Variants in FOXN3 observed in about 807,000 individuals in gnomAD.
FOXN3 encodes the protein forkhead box protein N3.
Under a neutral mutation model 38.4 loss-of-function variants are expected in FOXN3, and 7 were observed. The ratio of observed to expected loss-of-function variants is 0.18; its 90% CI spans 0.10 to 0.34. FOXN3 has a LOEUF of 0.34. Ranked by LOEUF, FOXN3 falls within the 10% of genes least tolerant of loss-of-function variation. The pLI, the probability that FOXN3 is intolerant of heterozygous loss-of-function variation, is 1.00. For missense variants in FOXN3, 456 were observed against 613.4 expected, an observed-to-expected ratio of 0.74 and a Z score of 2.71; for synonymous variants, 230 against 242.2, an observed-to-expected ratio of 0.95 and a Z score of 0.47.
intron 1 of FOXN3, among the ~76,000 whole-genome samples, chr14:89,551,377 G>A (rs1481657344): frequency 6.6e-6 from 1 of 152,126 alleles, no homozygotes; most frequent in Non-Finnish European, 1.5e-5. Flanking sequence ...AGCAGAATAG[G>A]TTCTGATCCA....
chr14:89,410,181 C>T (rs1372159620), intron 2 of FOXN3, among the ~76,000 whole-genome samples: 2 of 146,434 alleles, frequency 1.4e-5, no homozygotes, highest in Non-Finnish European at 3.0e-5. Context: ...AGGAGCAATA[C>T]GGTTGGCCAC....
chr14:89,610,197 T>C (rs1896360390), intron 1 of FOXN3, among the ~76,000 whole-genome samples: 1 of 151,990 alleles, frequency 6.6e-6, no homozygotes, highest in African/African-American at 2.4e-5. Flanking sequence ...CCTGGGCACA[T>C]GGCTTTCAGG....
intron 1 of FOXN3, among the ~76,000 whole-genome samples, chr14:89,510,476 A>T (rs1357072399): frequency 1.3e-5 from 2 of 152,100 alleles, no homozygotes; most frequent in Non-Finnish European, 2.9e-5. Flanking sequence ...CAGCTCCAGG[A>T]CCCAAGCTGC....
chr14:89,290,392 G>A, intron 3 of FOXN3: 1 of 362,074 alleles, frequency 2.8e-6, no homozygotes, highest in Non-Finnish European at 5.4e-6. Context: ...GAAATTGCTG[G>A]TACTCTCCCC....
At chr14:89,436,292 A>AAAAAG (rs1186776995) in intron 1 of FOXN3, among the ~76,000 whole-genome samples, 12 of 151,148 alleles carry the variant, frequency 7.9e-5, no homozygotes, top group Non-Finnish European at 1.6e-4. Context: ...TATTCATTAA[A>AAAAAG]AAAAAAAAAA....
At position 89,161,600 on chromosome 14, in the gene FOXN3, T is replaced by TGTGTGTGTGTGC. The variant is rs530463007; in HGVS notation, c.*813_*814insGCACACACACAC. On this transcript the variant is annotated 3_prime_UTR_variant, in exon 6 of 6. Coordinates refer to ENST00000557258, the MANE Select transcript of FOXN3 (RefSeq NM_005197.4). ...GTGTGTGTGTGTGTGTGTGTGTGCGTGCGTGCACAGGGCCAATCTTCAGGC... is the reference window on the plus strand; with the variant it reads ...GTGTGTGTGTGTGTGTGTGTGTGCGTGTGTGTGTGTGCGCGTGCACAGGGCCAATCTTCAGGC... 9.5e-5 allele frequency: 14 copies of TGTGTGTGTGTGC among 147,406 alleles called. No individual in the cohort carries two copies. The highest frequency in any genetic ancestry group is 2.3e-4 in the African/African-American group (9 of 39,386). 9.1% of individuals were successfully genotyped at this position (147,406 alleles called of 1,614,324 possible).
intron 1 of FOXN3, among the ~76,000 whole-genome samples, chr14:89,598,616 C>T (rs1338089096): frequency 6.6e-6 from 1 of 152,120 alleles, no homozygotes; most frequent in Non-Finnish European, 1.5e-5. Flanking sequence ...TTTAACTCTT[C>T]TTCATTTTTG....
intron 3 of FOXN3, among the ~76,000 whole-genome samples, chr14:89,307,632 C>T (rs1887415736): frequency 6.6e-6 from 1 of 152,114 alleles, no homozygotes; most frequent in Admixed American, 6.6e-5. Context: ...TACCGAGCCA[C>T]AGTATTTCTT....
At chr14:89,300,992 GGGGTTTCACCATGTT>G (rs1887201399) in intron 3 of FOXN3, among the ~76,000 whole-genome samples, 1 of 151,286 alleles carries the variant, frequency 6.6e-6, no homozygotes, top group Non-Finnish European at 1.5e-5. Context: ...TAGTAGAGAC[GGGGTTTCACCATGTT>G]GGCCAGGCTG....
At chr14:89,330,999 CTCT>C (rs1888231608) in intron 3 of FOXN3, among the ~76,000 whole-genome samples, 2 of 152,212 alleles carry the variant, frequency 1.3e-5, no homozygotes, top group Admixed American at 6.5e-5. Context: ...GTTCTGTTTC[CTCT>C]TCTTCTTTTG....
At chr14:89,193,458 C>T (rs1047951880) in intron 4 of FOXN3, among the ~76,000 whole-genome samples, 1 of 152,074 alleles carries the variant, frequency 6.6e-6, no homozygotes, top group African/African-American at 2.4e-5. Flanking sequence ...TGTGGGAGAA[C>T]CTAAGTGGGA....
intron 2 of FOXN3, among the ~76,000 whole-genome samples, chr14:89,393,359 G>C (rs1202751866): frequency 6.6e-6 from 1 of 152,172 alleles, no homozygotes; most frequent in African/African-American, 2.4e-5. Flanking sequence ...CGTGGTACCA[G>C]AGATGAGAAC....
chr14:89,608,439 C>CAACACCCAGATAAT (rs1181948197), intron 1 of FOXN3, among the ~76,000 whole-genome samples: 2 of 152,354 alleles, frequency 1.3e-5, no homozygotes, highest in East Asian at 1.9e-4. Flanking sequence ...CGCGCCCGGC[C>CAACACCCAGATAAT]TATACATGCT....
At chr14:89,400,680 C>A (rs949471701) in intron 2 of FOXN3, among the ~76,000 whole-genome samples, 1 of 152,140 alleles carries the variant, frequency 6.6e-6, no homozygotes, top group African/African-American at 2.4e-5. Flanking sequence ...TAACTGCGAC[C>A]CCTCTTTCTG....
At chr14:89,511,257 TTC>T (rs1491331085) in intron 1 of FOXN3, among the ~76,000 whole-genome samples, 3,285 of 41,934 alleles carry the variant, frequency 0.078, 973 homozygotes, top group African/African-American at 0.2. Context: ...TTTTCTTTCT[TTC>T]TTTCTTTCTT....
rs540984682 is a variant in FOXN3 at position 89,432,960 on chromosome 14, C to T, written c.-14-20470G>A. Among the ~76,000 whole-genome samples, 10 of 152,244 alleles carry T rather than the reference C, an allele frequency of 6.6e-5. No homozygotes were observed. In the East Asian group the frequency reaches 1.6e-3, roughly 24 times the overall value. On this transcript the variant is annotated intron_variant, in intron 1 of 6. Transcript: ENST00000345097. ...CCTCCCAAACTCCTGGGATTACAGGCGTGAGCCAACGAGCACCTGGCCTGC... is the reference window on the plus strand; with the variant it reads ...CCTCCCAAACTCCTGGGATTACAGGTGTGAGCCAACGAGCACCTGGCCTGC...
At chr14:89,547,246 TATTTATTTA>T (rs1469247932) in intron 1 of FOXN3, among the ~76,000 whole-genome samples, 1 of 151,054 alleles carries the variant, frequency 6.6e-6, no homozygotes, top group Non-Finnish European at 1.5e-5. Context: ...TTTATTTATT[TATTTATTTA>T]TTTATTTATT....
intron 1 of FOXN3, among the ~76,000 whole-genome samples, chr14:89,469,946 G>T (rs1342868976): frequency 6.6e-6 from 1 of 152,208 alleles, no homozygotes; most frequent in Non-Finnish European, 1.5e-5. Context: ...TTTTAAAGAG[G>T]CAACCAGCTT....
intron 2 of FOXN3, chr14:89,364,335 CTTTT>C (rs1358434358): frequency 5.2e-5 from 7 of 134,184 alleles, no homozygotes; most frequent in East Asian, 4.3e-4. Context: ...CTAATAGTTT[CTTTT>C]TGTTTGTTTT....
Sources: allele counts gnomAD v4.1 joint callset (sites outside exome capture counted in the v4.1 genomes callset), GRCh38; gene constraint gnomAD v4.1.1; transcripts MANE v1.5; gene names NCBI Gene and HGNC (gene_info 2026-07-23, HGNC 2026-07-21).